Variants in SHPK observed in about 807,000 individuals in gnomAD.
SHPK encodes the protein sedoheptulokinase, also known as carbohydrate kinase-like protein.
A neutral mutation model predicts 46.3 loss-of-function variants in SHPK; 51 were observed. The ratio of observed to expected loss-of-function variants is 1.10; its 90% CI spans 0.88 to 1.39. The LOEUF is 1.39. Among genes scored for constraint, SHPK ranks in the 40% most tolerant of loss-of-function variants. SHPK has a pLI of 0.00. For synonymous variants in SHPK, 290 were observed against 273.9 expected (o/e 1.06, Z -0.58); for missense variants, 668 against 641.3 (o/e 1.04, Z -0.45).
intron 1 of SHPK, among the ~76,000 whole-genome samples, chr17:3,634,221 C>A (rs1252983447): frequency 5.4e-5 from 8 of 148,554 alleles, no homozygotes; most frequent in African/African-American, 2.0e-4. Flanking sequence ...GTCCTATGAC[C>A]CTGCCAAATC....
rs995403296 is a variant in SHPK at position 3,608,602 on chromosome 17, T to C, written c.*1958A>G. Reference sequence around the variant, plus strand: ...AATGCACAAGGGAAAACTTGGGAACTGTTTGAAGAATTTTCCATTTAATAT... The same window carrying C: ...AATGCACAAGGGAAAACTTGGGAACCGTTTGAAGAATTTTCCATTTAATAT... On this transcript the variant is annotated 3_prime_UTR_variant, in exon 7 of 7. Transcript: ENST00000225519. 2.6e-5 allele frequency: 4 copies of C among 152,184 alleles called. No homozygotes were observed. The highest frequency in any genetic ancestry group is 2.6e-4 in the Admixed American group (4 of 15,276). The allele number at this position is 152,184 out of a possible 1,614,324, so 9.4% of individuals were successfully genotyped here. A position where few individuals can be genotyped will look rare whatever the true frequency, so the allele number is the denominator to read the frequency against.
chr17:3,623,339 G>A lies in SHPK; in HGVS notation c.647C>T (p.Thr216Ile), dbSNP rs763517303. 8.7e-6 allele frequency: 14 copies of A among 1,614,132 alleles called. 1 individual carries two copies. The highest frequency in any genetic ancestry group is 3.3e-5 in the Admixed American group (2 of 60,024). ...CAGCCTGCAAGGATGTGATACTCAC[G>A]TCTCTACGTTCCAGCTTTGGCTCTG... The part of the protein sequence containing the change: ...NTQSQSWNVE[T>I]LRSSGFPVHL... Residue 216 changes from threonine (T) to isoleucine (I), a missense_variant and splice_region_variant, in exon 4 of 7, where the codon ACA becomes ATA. Transcript: ENST00000225519.
intron 2 of SHPK, among the ~76,000 whole-genome samples, chr17:3,625,227 T>C (rs1567685149): frequency 1.3e-5 from 2 of 152,214 alleles, no homozygotes; most frequent in South Asian, 4.1e-4. Flanking sequence ...GCACTTTTTG[T>C]GGTCGATTGT....
At chr17:3,612,118 AAAAC>A (rs1409194245) in intron 6 of SHPK, among the ~76,000 whole-genome samples, 2 of 143,190 alleles carry the variant, frequency 1.4e-5, no homozygotes, top group Non-Finnish European at 3.1e-5. Context: ...CTGCATTCTT[AAAAC>A]AAACAAACGA....
chr17:3,628,251 T>TGAGTGATG (rs1268717478), intron 2 of SHPK, among the ~76,000 whole-genome samples: 1 of 152,146 alleles, frequency 6.6e-6, no homozygotes, highest in Non-Finnish European at 1.5e-5. Flanking sequence ...TTGTTGAAGC[T>TGAGTGATG]GAGTGATGGG....
At chr17:3,621,529 TTTCC>T in intron 4 of SHPK, 117 bp from the exon 5 acceptor site, 2 of 896,530 alleles carry the variant, frequency 2.2e-6, no homozygotes, top group Non-Finnish European at 3.3e-6. Context: ...CTTCCTTTCC[TTTCC>T]TCCCTCCCTC....
At chr17:3,635,240 A>AGGAAGGAAG (rs1555556012) in intron 1 of SHPK, among the ~76,000 whole-genome samples, 1,429 of 140,352 alleles carry the variant, frequency 0.01, 37 homozygotes, top group East Asian at 0.078. Flanking sequence ...GAAGGAAGGA[A>AGGAAGGAAG]GGAAGGGAAG....
Position 3,630,242 on chromosome 17 carries a change from G to T in SHPK, c.273C>A (p.Gly91=), listed in dbSNP as rs369067968. 1.4e-3 allele frequency: 2,207 copies of T among 1,613,778 alleles called. 38 individuals are homozygous for T. The South Asian group carries it at 0.022, about 16-fold the overall frequency. Residue 91 remains glycine (G), a synonymous_variant, in exon 2 of 7, where the codon GGC becomes GGA. Coordinates refer to ENST00000225519, the MANE Select transcript of SHPK (RefSeq NM_013276.4). ...TCCAAAACACGACTCCATGCATCTG[G>T]CCCGACACCCCGATGCCCACGACGC... ...LRSVVGIGVS[G]QMHGVVFWKT...
intron 1 of SHPK, among the ~76,000 whole-genome samples, chr17:3,632,599 A>G (rs1367942745): frequency 6.6e-6 from 1 of 152,114 alleles, no homozygotes; most frequent in African/African-American, 2.4e-5. Flanking sequence ...GGCGGGTGTG[A>G]TTGGGGAGTA....
chr17:3,622,511 C>T, intron 4 of SHPK: 1 of 832,588 alleles, frequency 1.2e-6, no homozygotes, highest in Non-Finnish European at 1.4e-6. Flanking sequence ...GGGAAGCTGT[C>T]AACTTCACAC....
intron 1 of SHPK, among the ~76,000 whole-genome samples, chr17:3,631,036 G>A (rs1004656703): frequency 6.6e-6 from 1 of 152,122 alleles, no homozygotes; most frequent in Non-Finnish European, 1.5e-5. Context: ...CGGGAGTGCT[G>A]TCTTCCCCTC....
intron 5 of SHPK, chr17:3,619,905 C>A: frequency 8.4e-6 from 2 of 237,266 alleles, no homozygotes; most frequent in South Asian, 1.1e-4. Flanking sequence ...GGCCTCCCAG[C>A]GCCGCCAAGC....
intron 5 of SHPK, among the ~76,000 whole-genome samples, chr17:3,620,141 C>T (rs950612263): frequency 7.5e-4 from 114 of 152,168 alleles, no homozygotes; most frequent in African/African-American, 2.2e-3. Flanking sequence ...TCCGCAAAGC[C>T]GAAAATATTT....
chr17:3,627,500 G>A (rs1194531786), intron 2 of SHPK, among the ~76,000 whole-genome samples: 1 of 152,098 alleles, frequency 6.6e-6, no homozygotes, highest in Non-Finnish European at 1.5e-5. Context: ...TTTATAGGTT[G>A]TAGGTAGGAA....
At chr17:3,615,611 G>A in intron 5 of SHPK, 74 bp from the exon 6 acceptor site, 2 of 1,364,930 alleles carry the variant, frequency 1.5e-6, no homozygotes, top group Non-Finnish European at 2.1e-6. Context: ...TTGGCAGTGA[G>A]AGGGGGTGGC....
chr17:3,632,027 G>A lies in SHPK; in HGVS notation c.169-1681C>T, dbSNP rs2075475670. On this transcript the variant is annotated intron_variant, in intron 1 of 6. Coordinates refer to ENST00000225519, the MANE Select transcript of SHPK (RefSeq NM_013276.4). ...GTTGGAGTGCAGTGGTGTGATCTCA[G>A]CTCACTGCATCGTCTGCCTCCCAGG... Among the ~76,000 whole-genome samples, 5 of 151,916 alleles carry A rather than the reference G, an allele frequency of 3.3e-5. No individual in the cohort carries two copies. In the South Asian group the frequency reaches 1.0e-3, roughly 32 times the overall value.
chr17:3,630,070 T>C, intron 2 of SHPK, 135 bp downstream of exon 2: 1 of 1,112,510 alleles, frequency 9.0e-7, no homozygotes, highest in Non-Finnish European at 1.3e-6. Flanking sequence ...GCAGCACGTA[T>C]TCGTCCACTC....
At chr17:3,616,530 C>A (rs568861403) in intron 5 of SHPK, among the ~76,000 whole-genome samples, 6 of 152,312 alleles carry the variant, frequency 3.9e-5, no homozygotes, top group African/African-American at 1.4e-4. Flanking sequence ...CCACCCCACT[C>A]AGAATCCTGA....
At chr17:3,621,202 T>C (rs2150870420) in intron 5 of SHPK, 35 bp downstream of exon 5, 2 of 1,544,974 alleles carry the variant, frequency 1.3e-6, no homozygotes, top group Non-Finnish European at 8.8e-7. Context: ...CAGGCGACAG[T>C]GTAAGTCTGA....
Sources: allele counts gnomAD v4.1 joint callset (sites outside exome capture counted in the v4.1 genomes callset), GRCh38; gene constraint gnomAD v4.1.1; transcripts MANE v1.5; gene names NCBI Gene and HGNC (gene_info 2026-07-23, HGNC 2026-07-21).